Variants in FSTL5 observed in about 807,000 individuals in gnomAD.
The protein encoded by FSTL5 is follistatin like 5.
FSTL5 carries 62 observed loss-of-function variants against 89.1 expected under a neutral mutation model. The observed-to-expected ratio is 0.70, with a 90% CI of 0.57 to 0.86. The LOEUF (loss-of-function observed/expected upper bound fraction) is 0.86, where lower values mean the gene tolerates loss of function less well. Ranked by LOEUF, FSTL5 falls within the 40% of genes least tolerant of loss-of-function variation. FSTL5 has a pLI of 0.00. For synonymous variants in FSTL5, 383 were observed against 346.2 expected (o/e 1.11, Z -1.18); for missense variants, 1,057 against 1,001.6 (o/e 1.06, Z -0.75).
intron 1 of FSTL5, among the ~76,000 whole-genome samples, chr4:162,124,570 G>T (rs1467542716): frequency 6.6e-6 from 1 of 152,160 alleles, no homozygotes; most frequent in East Asian, 1.9e-4. Context: ...ATAGATAAAA[G>T]TCTCTTTAAT....
chr4:161,508,442 T>C (rs889818882), intron 11 of FSTL5, among the ~76,000 whole-genome samples: 2 of 152,182 alleles, frequency 1.3e-5, no homozygotes, highest in South Asian at 2.1e-4. Flanking sequence ...CTGTAAAATG[T>C]ATCATATATC....
chr4:161,646,755 A>G (rs1426149962), intron 7 of FSTL5, among the ~76,000 whole-genome samples: 1 of 152,154 alleles, frequency 6.6e-6, no homozygotes, highest in African/African-American at 2.4e-5. Flanking sequence ...GATCAACTGT[A>G]TATGCTATGA....
Position 161,656,408 on chromosome 4 carries a change from T to C in FSTL5, c.814A>G (p.Ile272Val), listed in dbSNP as rs777940537. ...ATGGGAGGTCTCAGGGTTCCTTGAA[T>C]GGCACAGCTCAGAACAGCACTTTGT... ...VGQSAVLSCA[I>V]QGTLRPPIIW... Residue 272 changes from isoleucine (I) to valine (V), a missense_variant, in exon 7 of 16, where the codon ATT (isoleucine) becomes GTT (valine). Around this residue, in one of 3 missense-constraint regions of FSTL5, gnomAD observed 980 missense variants for 903.2 expected, o/e 1.08. Coordinates refer to ENST00000306100, the MANE Select transcript of FSTL5 (RefSeq NM_020116.5). 2.5e-5 allele frequency: 41 copies of C among 1,611,752 alleles called. No homozygotes were observed. Among genetic ancestry groups the C allele is most frequent in the Non-Finnish European group, 3.1e-5 (37 of 1,178,296 alleles).
chr4:161,424,522 T>A (rs935418072), intron 15 of FSTL5, among the ~76,000 whole-genome samples: 1 of 104,802 alleles, frequency 9.5e-6, no homozygotes, highest in African/African-American at 3.4e-5. Context: ...CTCCTTTTCC[T>A]CCTTTAAATA....
At chr4:162,143,746 A>AC (rs869104453) in intron 1 of FSTL5, among the ~76,000 whole-genome samples, 310 of 4,960 alleles carry the variant, frequency 0.062, 1 homozygote, top group African/African-American at 0.083. Context: ...ACACACACAC[A>AC]CACCCAGGAA....
At chr4:161,471,817 C>T (rs2126435452) in intron 13 of FSTL5, among the ~76,000 whole-genome samples, 1 of 152,136 alleles carries the variant, frequency 6.6e-6, no homozygotes, top group East Asian at 1.9e-4. Flanking sequence ...TGTAGGTTAT[C>T]CAATTTGACA....
Position 161,565,069 on chromosome 4 carries a change from T to C in FSTL5, c.1016-22376A>G, listed in dbSNP as rs897508764. ...TACAGGGAACCTTCTACTTATCCTC[T>C]GGCAAAGTTTACTTAAAATGATTTG... On this transcript the variant is annotated intron_variant, in intron 8 of 15. Coordinates refer to ENST00000306100, the MANE Select transcript of FSTL5 (RefSeq NM_020116.5). Among the ~76,000 whole-genome samples, 3 of 151,916 alleles carry C rather than the reference T, an allele frequency of 2.0e-5. No individual in the cohort carries two copies. In the Admixed American group the frequency reaches 2.0e-4, roughly 10 times the overall value.
intron 3 of FSTL5, among the ~76,000 whole-genome samples, chr4:162,025,600 T>C (rs1737249466): frequency 6.6e-6 from 1 of 152,070 alleles, no homozygotes; most frequent in African/African-American, 2.4e-5. Flanking sequence ...GGATAATGAT[T>C]CCATGCACCA....
intron 1 of FSTL5, among the ~76,000 whole-genome samples, chr4:162,147,945 C>T (rs1579064637): frequency 6.6e-6 from 1 of 152,048 alleles, no homozygotes; most frequent in East Asian, 1.9e-4. Flanking sequence ...ACAGAGGTTG[C>T]AGTGAACTGA....
At chr4:161,922,426 A>T (rs1213655954) in intron 3 of FSTL5, among the ~76,000 whole-genome samples, 1 of 152,010 alleles carries the variant, frequency 6.6e-6, no homozygotes, top group Non-Finnish European at 1.5e-5. Context: ...AAATTTAAAA[A>T]ACTTAGCAAA....
intron 9 of FSTL5, among the ~76,000 whole-genome samples, chr4:161,539,956 T>C (rs1731762102): frequency 1.3e-5 from 2 of 151,956 alleles, no homozygotes; most frequent in African/African-American, 4.8e-5. Context: ...ATTCTCTGGG[T>C]TTTGTTTTGA....
At chr4:161,699,533 T>C (rs1380012815) in intron 6 of FSTL5, among the ~76,000 whole-genome samples, 1 of 152,208 alleles carries the variant, frequency 6.6e-6, no homozygotes, top group East Asian at 1.9e-4. Context: ...GGAAACTGTA[T>C]GAATTGCAGG....
Position 161,515,106 on chromosome 4 carries a change from CAT to C in FSTL5, c.1313-4684_1313-4683del, listed in dbSNP as rs1259852896. 8.5e-5 allele frequency among the ~76,000 whole-genome samples: 13 copies of C among 152,080 alleles called. No individual in the cohort carries two copies. The South Asian group carries it at 2.7e-3, about 32-fold the overall frequency. On this transcript the variant is annotated intron_variant, in intron 10 of 15. Coordinates refer to ENST00000306100, the MANE Select transcript of FSTL5 (RefSeq NM_020116.5). The stretch of plus-strand genomic sequence containing the variant: ...ATATATTGTTATTATCTGTTTAAAA[CAT>C]ATTCCATTTTATATACAAAGTTAGA...
At chr4:161,740,388 G>T (rs1040537558) in intron 6 of FSTL5, among the ~76,000 whole-genome samples, 2 of 151,756 alleles carry the variant, frequency 1.3e-5, no homozygotes, top group South Asian at 2.1e-4. Flanking sequence ...GGTTTAAGGA[G>T]AATTTTTATA....
intron 4 of FSTL5, among the ~76,000 whole-genome samples, chr4:161,835,972 A>C (rs575144615): frequency 1.3e-5 from 2 of 152,204 alleles, no homozygotes; most frequent in South Asian, 4.2e-4. Context: ...CCAAAGGACT[A>C]TAAATCATGC....
intron 7 of FSTL5, among the ~76,000 whole-genome samples, chr4:161,636,081 A>T (rs1735682479): frequency 6.8e-6 from 1 of 147,522 alleles, no homozygotes; most frequent in African/African-American, 2.6e-5. Flanking sequence ...AAACTCTGGT[A>T]ATTGACAGCA....
chr4:161,560,145 CA>C (rs1402144592), intron 8 of FSTL5, among the ~76,000 whole-genome samples: 1 of 151,716 alleles, frequency 6.6e-6, no homozygotes, highest in Non-Finnish European at 1.5e-5. Flanking sequence ...CCAGGGAAGC[CA>C]AAAGATTGGA....
chr4:162,102,599 T>G (rs1731039017), intron 2 of FSTL5, among the ~76,000 whole-genome samples: 1 of 146,270 alleles, frequency 6.8e-6, no homozygotes, highest in African/African-American at 2.5e-5. Flanking sequence ...GATATATATT[T>G]AATATTATAT....
intron 1 of FSTL5, among the ~76,000 whole-genome samples, chr4:162,158,776 G>A (rs937890221): frequency 2.8e-4 from 43 of 151,994 alleles, no homozygotes; most frequent in African/African-American, 7.7e-4. Flanking sequence ...TTTATGGCCT[G>A]ATATCAATAA....
Sources: allele counts gnomAD v4.1 joint callset (sites outside exome capture counted in the v4.1 genomes callset), GRCh38; gene constraint gnomAD v4.1.1; regional missense constraint gnomAD v4.1.1; transcripts MANE v1.5; gene names NCBI Gene and HGNC (gene_info 2026-07-23, HGNC 2026-07-21).